Variants in ARHGAP10 observed in about 807,000 individuals in gnomAD.
The protein encoded by ARHGAP10 is Rho GTPase activating protein 10.
A neutral mutation model predicts 108.6 loss-of-function variants in ARHGAP10; 87 were observed. The ratio of observed to expected loss-of-function variants is 0.80; its 90% CI spans 0.67 to 0.96. The LOEUF (loss-of-function observed/expected upper bound fraction) is 0.96. Among genes scored for constraint, ARHGAP10 ranks in the 40% least tolerant of loss-of-function variants. The probability of loss-of-function intolerance (pLI) is 0.00; values close to 1 mark genes in which losing one functional copy is unlikely to be tolerated. For synonymous variants in ARHGAP10, 347 were observed against 341.1 expected (o/e 1.02, Z -0.19); for missense variants, 939 against 954.5 (o/e 0.98, Z 0.21).
At chr4:147,906,809 A>T in intron 11 of ARHGAP10, 90 bp downstream of exon 11, 2 of 1,516,614 alleles carry the variant, frequency 1.3e-6, no homozygotes, top group Non-Finnish European at 1.8e-6. Flanking sequence ...GTATTTGAGA[A>T]AAGTTCCCTT....
chr4:147,887,350 A>C (rs1002712334), intron 10 of ARHGAP10, among the ~76,000 whole-genome samples: 30 of 151,880 alleles, frequency 2.0e-4, no homozygotes, highest in Admixed American at 1.8e-3. Flanking sequence ...CCACTGCTCC[A>C]GGATATTACT....
intron 1 of ARHGAP10, among the ~76,000 whole-genome samples, chr4:147,774,141 G>A (rs1730189591): frequency 6.6e-6 from 1 of 152,216 alleles, no homozygotes; most frequent in African/African-American, 2.4e-5. Flanking sequence ...ATTTAGGATA[G>A]TGCCTGGCAC....
At chr4:147,752,940 G>T (rs1326619194) in intron 1 of ARHGAP10, among the ~76,000 whole-genome samples, 2 of 152,252 alleles carry the variant, frequency 1.3e-5, no homozygotes, top group African/African-American at 2.4e-5. Context: ...ATTTTTAGAA[G>T]TATTTTTATT....
chr4:147,973,001 G>T (rs1243388887), intron 18 of ARHGAP10, among the ~76,000 whole-genome samples: 1 of 151,826 alleles, frequency 6.6e-6, no homozygotes, highest in Non-Finnish European at 1.5e-5. Context: ...GTGATCCACC[G>T]GCCTTGGTTT....
rs757275728 is a variant in ARHGAP10, at chr4:147,881,873, C to A, written c.975C>A (p.Thr325=). The A allele has an allele frequency of 1.2e-6, 2 of 1,613,730 alleles. No homozygotes were observed. The highest frequency in any genetic ancestry group is 2.2e-5 in the South Asian group (2 of 91,056). ...AGGTGTTCTTTTTGAAAGAATGTAC[C>A]AAGAGGCATACTGACTCCATTGACA... The part of the protein sequence containing the change: ...DGEVFFLKEC[T]KRHTDSIDRR... The change falls in exon 10 of 23, where the codon ACC becomes ACA. Residue 325 remains threonine, a synonymous_variant. Coordinates refer to ENST00000336498, the MANE Select transcript of ARHGAP10 (RefSeq NM_024605.4).
chr4:148,070,293 T>C (rs1455864459), intron 22 of ARHGAP10, among the ~76,000 whole-genome samples: 3 of 152,084 alleles, frequency 2.0e-5, no homozygotes, highest in African/African-American at 4.8e-5. Context: ...CTTTGAAGCA[T>C]GAGTAGGTGC....
chr4:147,885,514 A>C (rs983081175), intron 10 of ARHGAP10, among the ~76,000 whole-genome samples: 1 of 152,208 alleles, frequency 6.6e-6, no homozygotes, highest in Non-Finnish European at 1.5e-5. Flanking sequence ...GCTACAATTC[A>C]AGTTGAGACT....
intron 19 of ARHGAP10, among the ~76,000 whole-genome samples, 193 bp from the exon 20 acceptor site, chr4:148,046,699 T>C (rs531649037): frequency 6.6e-6 from 1 of 152,322 alleles, no homozygotes; most frequent in Admixed American, 6.5e-5. Context: ...CCTCGCTGTG[T>C]ATTATCTGTG....
intron 14 of ARHGAP10, among the ~76,000 whole-genome samples, chr4:147,944,256 CTG>C (rs1738284819): frequency 6.6e-6 from 1 of 152,182 alleles, no homozygotes; most frequent in African/African-American, 2.4e-5. Flanking sequence ...TTGAATGTAT[CTG>C]TGGCTTGTCT....
At chr4:147,798,740 T>A (rs1339855408) in intron 1 of ARHGAP10, among the ~76,000 whole-genome samples, 3 of 12,368 alleles carry the variant, frequency 2.4e-4, no homozygotes, top group African/African-American at 5.0e-4. Flanking sequence ...TCTCTCTCTC[T>A]CTCTCTCTCT....
chr4:147,736,434 A>G (rs1728413992), intron 1 of ARHGAP10, among the ~76,000 whole-genome samples: 1 of 152,178 alleles, frequency 6.6e-6, no homozygotes, highest in Admixed American at 6.5e-5. Context: ...GATTTGGAAG[A>G]CTAAAAATAA....
chr4:148,058,572 AAC>A (rs1271247042), intron 20 of ARHGAP10, among the ~76,000 whole-genome samples: 1 of 152,120 alleles, frequency 6.6e-6, no homozygotes, highest in East Asian at 1.9e-4. Context: ...GTCGAGTTTT[AAC>A]AGTTAAGGCC....
intron 18 of ARHGAP10, among the ~76,000 whole-genome samples, chr4:147,982,891 C>T (rs10005413): frequency 0.098 from 14,766 of 150,338 alleles, 1,656 homozygotes; most frequent in African/African-American, 0.27. Context: ...CTTTTTTTTC[C>T]TGAATTTTCG....
chr4:148,069,626 A>G (rs1461252260), intron 22 of ARHGAP10, among the ~76,000 whole-genome samples: 1 of 152,212 alleles, frequency 6.6e-6, no homozygotes, highest in Non-Finnish European at 1.5e-5. Context: ...AATAGTGAGC[A>G]TGTGCAGGTG....
intron 1 of ARHGAP10, among the ~76,000 whole-genome samples, chr4:147,750,625 G>A (rs1415173165): frequency 6.7e-6 from 1 of 149,294 alleles, no homozygotes; most frequent in Non-Finnish European, 1.5e-5. Flanking sequence ...GGGGGGGGTT[G>A]TAATCTCACT....
At chr4:147,913,024 AT>A (rs1579193384) in intron 12 of ARHGAP10, 49 bp from the exon 13 acceptor site, 2 of 1,498,018 alleles carry the variant, frequency 1.3e-6, no homozygotes, top group African/African-American at 1.4e-5. Context: ...AGGAAGAGAA[AT>A]GTGATAAATA....
rs1730780245 is a variant in ARHGAP10 at position 147,784,761 on chromosome 4, GTATATTATAAATAT to G, written c.155-37965_155-37952del. 1.5e-4 allele frequency among the ~76,000 whole-genome samples: 8 copies of G among 54,402 alleles called. 2 individuals are homozygous for G. The highest frequency in any genetic ancestry group is 3.7e-4 in the Admixed American group (1 of 2,734). The allele number at this position is 54,402 out of a possible 152,430, so 35.7% of individuals were successfully genotyped here. A position where few individuals can be genotyped will look rare whatever the true frequency, so the allele number is the denominator to read the frequency against. ...ATATTATAAATATATATTATAAAAT[GTATATTATAAATAT>G]AATATATTATAAAATATATATTATA... On this transcript the variant is annotated intron_variant, in intron 1 of 22. Coordinates refer to ENST00000336498, the MANE Select transcript of ARHGAP10 (RefSeq NM_024605.4).
Position 148,006,286 on chromosome 4 carries a change from AC to A in ARHGAP10, c.1717-16976del, listed in dbSNP as rs531475406. Among the ~76,000 whole-genome samples the A allele has an allele frequency of 3.4e-3, 520 of 152,350 alleles. 2 individuals carry two copies. The highest frequency in any genetic ancestry group is 0.012 in the African/African-American group (500 of 41,592). On this transcript the variant is annotated intron_variant, in intron 18 of 22. Coordinates refer to ENST00000336498, the MANE Select transcript of ARHGAP10 (RefSeq NM_024605.4). Reference sequence around the variant, plus strand: ...GCTGTTCCAGCTTTCCTGTCCAGGCACTGGACATGTGAAGAAACCTCTTGGT... The same window carrying A: ...GCTGTTCCAGCTTTCCTGTCCAGGCATGGACATGTGAAGAAACCTCTTGGT...
intron 20 of ARHGAP10, among the ~76,000 whole-genome samples, chr4:148,053,186 C>A (rs547322914): frequency 6.6e-6 from 1 of 152,272 alleles, no homozygotes; most frequent in East Asian, 1.9e-4. Context: ...CAGTAAAGGA[C>A]AGGTGAGTTT....
Sources: gnomAD v4.1 joint callset for allele counts (sites outside exome capture counted in the v4.1 genomes callset) on GRCh38, gnomAD v4.1.1 for gene constraint, MANE v1.5 for transcripts, NCBI Gene and HGNC (gene_info 2026-07-23, HGNC 2026-07-21) for gene names.